Variants in SCARB2 observed in about 807,000 individuals in gnomAD.
SCARB2 encodes scavenger receptor class B member 2, also known as lysosome membrane protein 2.
SCARB2 carries 29 observed loss-of-function variants against 58.6 expected under a neutral mutation model. The observed-to-expected ratio is 0.49, with a 90% CI of 0.37 to 0.67. SCARB2 has a LOEUF of 0.67. Among genes scored for constraint, SCARB2 ranks in the 30% least tolerant of loss-of-function variants. The pLI is 0.00. For missense variants in SCARB2, 488 were observed against 578.5 expected (o/e 0.84, Z 1.60); for synonymous variants, 195 against 210.1 (o/e 0.93, Z 0.62).
At chr4:76,182,201 G>A (rs1425719638) in intron 2 of SCARB2, among the ~76,000 whole-genome samples, 1 of 151,934 alleles carries the variant, frequency 6.6e-6, no homozygotes, top group Non-Finnish European at 1.5e-5. Context: ...CTTTCCCTTT[G>A]CTTATCTTTC....
At chr4:76,197,125 T>C (rs1732730753) in intron 1 of SCARB2, among the ~76,000 whole-genome samples, 1 of 152,056 alleles carries the variant, frequency 6.6e-6, no homozygotes. Flanking sequence ...ATCTCAGACT[T>C]CTAGCATCCA....
chr4:76,195,803 A>G lies in SCARB2; in HGVS notation c.179T>C (p.Val60Ala). The G allele has an allele frequency of 6.2e-7, 1 of 1,613,798 alleles. No homozygotes were observed. Among genetic ancestry groups the G allele is most frequent in the South Asian group, 1.1e-5 (1 of 91,080 alleles). ...FDSWEKPPLP[V>A]YTQFYFFNVT... ...ATTGAAGAAATAGAACTGAGTATAC[A>G]CAGGCAGAGGGGGCTTCTCCCAGGA... The change falls in exon 2 of 12, where the codon GTG becomes GCG. Residue 60 changes from valine (V) to alanine (A), a missense_variant. Coordinates refer to ENST00000264896, the MANE Select transcript of SCARB2 (RefSeq NM_005506.4).
intron 2 of SCARB2, among the ~76,000 whole-genome samples, chr4:76,190,749 A>C (rs1184403080): frequency 6.6e-6 from 1 of 152,238 alleles, no homozygotes; most frequent in East Asian, 1.9e-4. Flanking sequence ...GCGCCACTGC[A>C]CTCCAGCCTG....
intron 1 of SCARB2, among the ~76,000 whole-genome samples, chr4:76,207,334 C>T (rs1028345205): frequency 6.6e-6 from 1 of 152,090 alleles, no homozygotes; most frequent in Non-Finnish European, 1.5e-5. Flanking sequence ...GGTATGGAAA[C>T]ATAAGTTCTT....
chr4:76,227,927 AT>A (rs1733426521), intron 1 of SCARB2, among the ~76,000 whole-genome samples: 1 of 152,164 alleles, frequency 6.6e-6, no homozygotes, highest in African/African-American at 2.4e-5. Context: ...TTTCTTATGC[AT>A]TAGGTGAGTC....
intron 2 of SCARB2, among the ~76,000 whole-genome samples, chr4:76,186,520 C>T (rs569744416): frequency 6.6e-5 from 10 of 152,104 alleles, no homozygotes; most frequent in African/African-American, 9.6e-5. Flanking sequence ...GTACGCTGCC[C>T]GCTCAGGTAA....
In SCARB2 at chr4:76,181,104, A is replaced by G; in HGVS notation, c.276-3T>C. 1.2e-6 allele frequency: 2 copies of G among 1,613,080 alleles called. No individual in the cohort carries two copies. Among genetic ancestry groups the G allele is most frequent in the South Asian group, 1.1e-5 (1 of 90,940 alleles). ...TATTTGCTTTGTTTCTGAGTTCCCT[A>G]AAAGAAAGAAAAGGGTTTTATTTGA... On this transcript the variant is annotated splice_region_variant and splice_polypyrimidine_tract_variant and intron_variant, in intron 2 of 11. Transcript: ENST00000264896.
chr4:76,167,444 A>G (rs916294539), intron 9 of SCARB2, among the ~76,000 whole-genome samples: 3 of 151,778 alleles, frequency 2.0e-5, no homozygotes, highest in Non-Finnish European at 2.9e-5. Context: ...CTGTTATTTA[A>G]AAGTGTGTGG....
Position 76,213,678 on chromosome 4 carries a change from C to A in SCARB2, c.-135G>T, listed in dbSNP as rs1465989205. On this transcript the variant is annotated 5_prime_UTR_variant, in exon 1 of 12. Coordinates refer to ENST00000264896, the MANE Select transcript of SCARB2 (RefSeq NM_005506.4). ...GCCCACGCCCTCCCGGCGCACGGTT[C>A]GTGCGCGCAGCTCTGGGCTCCGCGG... 23 of 690,930 alleles carry A rather than the reference C, an allele frequency of 3.3e-5. No individual in the cohort carries two copies. The highest frequency in any genetic ancestry group is 7.1e-5 in the South Asian group (4 of 56,292). 42.8% of individuals were successfully genotyped at this position (690,930 alleles called of 1,614,324 possible).
intron 1 of SCARB2, among the ~76,000 whole-genome samples, chr4:76,202,079 G>C (rs1732838289): frequency 6.6e-6 from 1 of 151,770 alleles, no homozygotes; most frequent in South Asian, 2.1e-4. Flanking sequence ...TTTATCTAAG[G>C]GAAAAATACC....
chr4:76,166,088 C>T (rs1732002988), intron 10 of SCARB2, 162 bp downstream of exon 10: 1 of 769,872 alleles, frequency 1.3e-6, no homozygotes, highest in Non-Finnish European at 2.3e-6. Flanking sequence ...CAGACACAGG[C>T]AGATTCATGT....
At chr4:76,203,307 C>T (rs1305803909) in intron 1 of SCARB2, among the ~76,000 whole-genome samples, 1 of 152,098 alleles carries the variant, frequency 6.6e-6, no homozygotes, top group Non-Finnish European at 1.5e-5. Context: ...GAATAGACTC[C>T]TAGATTGGGA....
At chr4:76,164,147 G>C (rs1731953521) in intron 10 of SCARB2, 1 of 152,340 alleles carries the variant, frequency 6.6e-6, no homozygotes, top group East Asian at 1.9e-4. Context: ...AGTGTAATGA[G>C]TGAGGTATCT....
intron 1 of SCARB2, among the ~76,000 whole-genome samples, chr4:76,230,101 T>G (rs1468073009): frequency 6.6e-6 from 1 of 152,146 alleles, no homozygotes; most frequent in African/African-American, 2.4e-5. Context: ...CCCAAAAGTT[T>G]ATGTCTTTTG....
intron 4 of SCARB2, among the ~76,000 whole-genome samples, chr4:76,178,465 T>G (rs1280522924): frequency 6.6e-6 from 1 of 152,182 alleles, no homozygotes; most frequent in Non-Finnish European, 1.5e-5. Flanking sequence ...AGTGAGATAT[T>G]AGCAACAAGA....
At chr4:76,177,144 A>G (rs574788472) in intron 4 of SCARB2, 1 of 152,276 alleles carries the variant, frequency 6.6e-6, no homozygotes, top group East Asian at 1.9e-4. Flanking sequence ...TATATTAACC[A>G]TATTATTATT....
At chr4:76,162,940 C>T in intron 11 of SCARB2, 2 of 591,262 alleles carry the variant, frequency 3.4e-6, no homozygotes, top group Non-Finnish European at 6.0e-6. Context: ...CCTTTTCTTT[C>T]AGGTTATTGT....
intron 7 of SCARB2, among the ~76,000 whole-genome samples, chr4:76,170,971 T>TATATATATAA (rs34900504): frequency 0.046 from 6,160 of 133,536 alleles, 256 homozygotes; most frequent in East Asian, 0.19. Flanking sequence ...TATATATATA[T>TATATATATAA]AACCAAATAG....
intron 1 of SCARB2, among the ~76,000 whole-genome samples, chr4:76,233,960 A>C (rs1445296707): frequency 6.6e-6 from 1 of 152,224 alleles, no homozygotes; most frequent in Admixed American, 6.5e-5. Context: ...AAGTTTAAAA[A>C]ATGCCTGGGG....
Sources: allele counts gnomAD v4.1 joint callset (sites outside exome capture counted in the v4.1 genomes callset), GRCh38; gene constraint gnomAD v4.1.1; transcripts MANE v1.5; gene names NCBI Gene and HGNC (gene_info 2026-07-23, HGNC 2026-07-21).